The following PTPN4 variants were observed in gnomAD, a reference collection of about 807,000 sequenced individuals.
The protein encoded by PTPN4 is tyrosine-protein phosphatase non-receptor type 4.
A neutral mutation model predicts 135.5 loss-of-function variants in PTPN4; 49 were observed. The observed-to-expected ratio is 0.36, with a 90% CI of 0.29 to 0.46. PTPN4 has a LOEUF of 0.46. Ranked by LOEUF, PTPN4 falls within the 20% of genes least tolerant of loss-of-function variation. The probability of loss-of-function intolerance (pLI) is 1.00; values close to 1 mark genes in which losing one functional copy is unlikely to be tolerated. For synonymous variants in PTPN4, 333 were observed against 369.9 expected (o/e 0.90, Z 1.14); for missense variants, 860 against 1,101.0 (o/e 0.78, Z 3.10).
intron 10 of PTPN4, among the ~76,000 whole-genome samples, chr2:119,910,115 T>C (rs914108594): frequency 6.6e-6 from 1 of 152,050 alleles, no homozygotes. Context: ...AGTTCTAGTG[T>C]AGGTAAGTGC....
chr2:119,877,690 C>G lies in PTPN4; in HGVS notation c.368+148C>G, dbSNP rs1029521147. 11 of 1,156,092 alleles carry G rather than the reference C, an allele frequency of 9.5e-6. No individual in the cohort carries two copies. In the African/African-American group the frequency reaches 1.6e-4, roughly 17 times the overall value. 71.6% of individuals were successfully genotyped at this position (1,156,092 alleles called of 1,614,324 possible). On this transcript the variant is annotated intron_variant, in intron 5 of 26. Transcript: ENST00000263708. ...ATAAGTTATGGCTATTCCAAGATAA[C>G]GTTTTCCTCCTTTTTTGGATGGCTG... is the stretch of plus-strand genomic sequence containing the variant.
At chr2:119,822,362 C>CG (rs1040635711) in intron 2 of PTPN4, among the ~76,000 whole-genome samples, 1 of 130,434 alleles carries the variant, frequency 7.7e-6, no homozygotes, top group Non-Finnish European at 1.7e-5. Context: ...CCCTCCCCCC[C>CG]CCTTTTTTTT....
intron 5 of PTPN4, among the ~76,000 whole-genome samples, chr2:119,878,876 G>A (rs749394899): frequency 7.9e-5 from 12 of 151,626 alleles, no homozygotes; most frequent in Admixed American, 3.3e-4. Flanking sequence ...GGCGGATCAC[G>A]AGGTCAGGAG....
At chr2:119,879,615 T>G (rs1678041046) in intron 5 of PTPN4, among the ~76,000 whole-genome samples, 1 of 152,228 alleles carries the variant, frequency 6.6e-6, no homozygotes, top group Non-Finnish European at 1.5e-5. Context: ...AGCATAGGCA[T>G]GCACAAGTTC....
Position 119,761,773 on chromosome 2 carries a change from T to C in PTPN4, c.-18+1389T>C, listed in dbSNP as rs886242757. Among the ~76,000 whole-genome samples, 9 of 152,338 alleles carry C rather than the reference T, an allele frequency of 5.9e-5. 1 individual carries two copies. Among genetic ancestry groups the C allele is most frequent in the Admixed American group, 5.2e-4 (8 of 15,304 alleles). The stretch of plus-strand genomic sequence containing the variant: ...ATGTTTGTCATGTTGCCAGTCTGTT[T>C]TAAAAATTTGGCAAGAGGTTTTTAA... On this transcript the variant is annotated intron_variant, in intron 1 of 26. Coordinates refer to ENST00000263708, the MANE Select transcript of PTPN4 (RefSeq NM_002830.4).
chr2:119,956,749 A>G, intron 20 of PTPN4, 95 bp from the exon 21 acceptor site: 2 of 1,565,132 alleles, frequency 1.3e-6, no homozygotes. Context: ...AGGCAAAGAA[A>G]CCTGTTTCCT....
rs539776269 is a variant in PTPN4, at chr2:119,793,020, G to T, written c.-17-16817G>T. ...CTGATGAAGTTTCATGTCCCACTGTGTGCGCATTGTCATTGATAAACATCT... is the reference window on the plus strand; with the variant it reads ...CTGATGAAGTTTCATGTCCCACTGTTTGCGCATTGTCATTGATAAACATCT... On this transcript the variant is annotated intron_variant, in intron 1 of 26. Transcript: ENST00000263708. 2.0e-5 allele frequency among the ~76,000 whole-genome samples: 3 copies of T among 152,302 alleles called. No homozygotes were observed. The South Asian group carries it at 6.2e-4, about 32-fold the overall frequency.
intron 12 of PTPN4, among the ~76,000 whole-genome samples, chr2:119,924,221 C>T (rs1345690821): frequency 6.6e-6 from 1 of 150,526 alleles, no homozygotes; most frequent in Non-Finnish European, 1.5e-5. Context: ...GACATTAACA[C>T]AGCAGTTCTT....
At chr2:119,820,056 T>A (rs1021229434) in intron 2 of PTPN4, among the ~76,000 whole-genome samples, 14 of 152,174 alleles carry the variant, frequency 9.2e-5, no homozygotes, top group African/African-American at 3.1e-4. Flanking sequence ...AGACGAAGTC[T>A]CACTATGTTG....
chr2:119,837,513 CCTCCAGTTGTTGACAT>C (rs1015450491), intron 2 of PTPN4, among the ~76,000 whole-genome samples: 3 of 152,164 alleles, frequency 2.0e-5, no homozygotes, highest in African/African-American at 7.2e-5. Flanking sequence ...GCCTTGCTCA[CCTCCAGTTGTTGACAT>C]ACCTCATTCT....
At chr2:119,958,328 T>A (rs1366412055) in intron 22 of PTPN4, among the ~76,000 whole-genome samples, 4 of 134,832 alleles carry the variant, frequency 3.0e-5, no homozygotes, top group African/African-American at 5.5e-5. Flanking sequence ...AAGACCCGTC[T>A]AAAAAAAAAA....
intron 2 of PTPN4, among the ~76,000 whole-genome samples, chr2:119,824,840 A>C (rs1017958355): frequency 6.6e-6 from 1 of 152,044 alleles, no homozygotes; most frequent in African/African-American, 2.4e-5. Flanking sequence ...GGCACGTGCC[A>C]CCACGCCCAG....
At chr2:119,891,095 G>T (rs1004767566) in intron 9 of PTPN4, among the ~76,000 whole-genome samples, 24 of 152,104 alleles carry the variant, frequency 1.6e-4, no homozygotes, top group South Asian at 1.4e-3. Flanking sequence ...CTGCTTGGGG[G>T]TACAAGTAAC....
At chr2:119,762,008 T>C (rs1690516000) in intron 1 of PTPN4, among the ~76,000 whole-genome samples, 1 of 152,220 alleles carries the variant, frequency 6.6e-6, no homozygotes, top group African/African-American at 2.4e-5. Context: ...TCTAATTAAA[T>C]ATCTTTTAAA....
intron 3 of PTPN4, among the ~76,000 whole-genome samples, chr2:119,873,157 A>G (rs1677937405): frequency 6.6e-6 from 1 of 150,732 alleles, no homozygotes; most frequent in African/African-American, 2.4e-5. Context: ...ACATCTGGCT[A>G]ATTTTTTCTG....
intron 15 of PTPN4, among the ~76,000 whole-genome samples, chr2:119,941,902 A>C (rs1679066974): frequency 6.6e-6 from 1 of 152,044 alleles, no homozygotes; most frequent in Admixed American, 6.5e-5. Context: ...TAGATTATAG[A>C]GCTCATGCTG....
At chr2:119,957,176 T>A in intron 22 of PTPN4, 99 bp downstream of exon 22, 1 of 1,100,580 alleles carries the variant, frequency 9.1e-7, no homozygotes, top group Non-Finnish European at 1.3e-6. Context: ...GATAGAATAT[T>A]AAAACTTTCA....
At chr2:119,852,842 G>T (rs1362031330) in intron 2 of PTPN4, among the ~76,000 whole-genome samples, 10 of 151,154 alleles carry the variant, frequency 6.6e-5, no homozygotes, top group African/African-American at 2.4e-4. Context: ...CAGTTCAGTG[G>T]TTTTTTTTGT....
intron 10 of PTPN4, among the ~76,000 whole-genome samples, chr2:119,910,088 T>C (rs939421318): frequency 6.6e-6 from 1 of 152,050 alleles, no homozygotes. Flanking sequence ...GTGAAGAGGA[T>C]TGACTGTTTT....
Sources: gnomAD v4.1 joint callset for allele counts (sites outside exome capture counted in the v4.1 genomes callset) on GRCh38, gnomAD v4.1.1 for gene constraint, MANE v1.5 for transcripts, NCBI Gene and HGNC (gene_info 2026-07-23, HGNC 2026-07-21) for gene names.